RGS22: variants seen among roughly 807,000 people sequenced by gnomAD.
The protein encoded by RGS22 is regulator of G-protein signaling 22.
In RGS22, 148 loss-of-function variants were observed where a neutral mutation model predicts 172.9. That is an observed-to-expected ratio of 0.86 (90% CI 0.75 to 0.98). The LOEUF (loss-of-function observed/expected upper bound fraction) is 0.98. Ranked by LOEUF, RGS22 falls within the 50% of genes least tolerant of loss-of-function variation. The pLI is 0.00. For synonymous variants in RGS22, 458 were observed against 480.2 expected, an observed-to-expected ratio of 0.95 and a Z score of 0.60; for missense variants, 1,347 against 1,440.8, an observed-to-expected ratio of 0.93 and a Z score of 1.05.
chr8:100,059,217 G>T (rs535433670), intron 9 of RGS22, among the ~76,000 whole-genome samples: 1 of 152,100 alleles, frequency 6.6e-6, no homozygotes, highest in East Asian at 1.9e-4. Flanking sequence ...AGGGAGATAG[G>T]AAGGAAGGAA....
chr8:99,991,876 G>C (rs1813765703), intron 20 of RGS22, among the ~76,000 whole-genome samples: 1 of 152,162 alleles, frequency 6.6e-6, no homozygotes. Context: ...GAAATGTCGA[G>C]TTACCCACAA....
intron 18 of RGS22, 75 bp downstream of exon 18, chr8:100,002,127 A>G: frequency 1.6e-5 from 19 of 1,151,876 alleles, no homozygotes; most frequent in Non-Finnish European, 2.3e-5. Flanking sequence ...AGAGACTTTC[A>G]GGTTGTTGGC....
intron 11 of RGS22, among the ~76,000 whole-genome samples, chr8:100,044,246 G>C (rs1287884036): frequency 6.6e-6 from 1 of 152,110 alleles, no homozygotes; most frequent in Non-Finnish European, 1.5e-5. Flanking sequence ...TGGTTTTTTT[G>C]TTTGTTCGTT....
At chr8:100,008,592 G>A (rs1816005990) in intron 14 of RGS22, 23 bp from the exon 15 acceptor site, 1 of 1,579,150 alleles carries the variant, frequency 6.3e-7, no homozygotes, top group Admixed American at 1.8e-5. Context: ...AGGGAAGAAG[G>A]GAGAAGATGT....
At position 100,063,947 on chromosome 8, in the gene RGS22, TCTC is replaced by T. The variant is rs747489119; in HGVS notation, c.818_820del (p.Gly273del). On this transcript the variant is annotated inframe_deletion, in exon 8 of 28. Coordinates refer to ENST00000360863, the MANE Select transcript of RGS22 (RefSeq NM_015668.5). ...TAGAGATACAGACACCTCTTCTTCT[TCTC>T]CTTCTTCTTCTTCAAATTCAGAAAT... 13 of 1,580,382 alleles carry T rather than the reference TCTC, an allele frequency of 8.2e-6. No individual in the cohort carries two copies. The highest frequency in any genetic ancestry group is 6.8e-5 in the East Asian group (3 of 44,424).
At chr8:100,048,665 A>G (rs1820978066) in intron 10 of RGS22, among the ~76,000 whole-genome samples, 1 of 152,128 alleles carries the variant, frequency 6.6e-6, no homozygotes, top group South Asian at 2.1e-4. Flanking sequence ...TCCCATATAT[A>G]AGGGCTTACA....
intron 14 of RGS22, among the ~76,000 whole-genome samples, chr8:100,018,590 C>T (rs766498786): frequency 1.3e-5 from 2 of 152,128 alleles, no homozygotes; most frequent in Non-Finnish European, 2.9e-5. Context: ...ACAAATATTC[C>T]TGTTTGCATC....
Position 100,003,857 on chromosome 8 carries a change from A to G in RGS22, c.2627+69T>C. 7.6e-6 allele frequency: 10 copies of G among 1,310,162 alleles called. 1 individual carries two copies. In the South Asian group the frequency reaches 1.7e-4, roughly 22 times the overall value. 81.2% of individuals were successfully genotyped at this position (1,310,162 alleles called of 1,614,324 possible). ...GTTATAGCACCAAATCACTTTTATA[A>G]TATGTTGAATCAAAAATAGTAGCTT... On this transcript the variant is annotated intron_variant, in intron 17 of 27. Coordinates refer to ENST00000360863, the MANE Select transcript of RGS22 (RefSeq NM_015668.5).
At chr8:99,986,876 G>A (rs182712168) in intron 21 of RGS22, among the ~76,000 whole-genome samples, 1 of 152,066 alleles carries the variant, frequency 6.6e-6, no homozygotes, top group East Asian at 1.9e-4. Flanking sequence ...TATAGACATT[G>A]TTAGGAAAAA....
intron 13 of RGS22, among the ~76,000 whole-genome samples, chr8:100,039,317 T>C (rs1819853362): frequency 6.6e-6 from 1 of 152,108 alleles, no homozygotes; most frequent in Non-Finnish European, 1.5e-5. Flanking sequence ...TTTTGATATA[T>C]ATGGGCAATG....
intron 5 of RGS22, among the ~76,000 whole-genome samples, chr8:100,071,847 C>G (rs867455863): frequency 6.6e-6 from 1 of 152,212 alleles, no homozygotes; most frequent in Non-Finnish European, 1.5e-5. Context: ...TTTCGCGTCA[C>G]ACTAGTATTC....
At chr8:100,079,994 T>C (rs901499958) in intron 4 of RGS22, 140 bp downstream of exon 4, 1 of 601,774 alleles carries the variant, frequency 1.7e-6, no homozygotes, top group Non-Finnish European at 2.9e-6. Flanking sequence ...ATTTGAAAAG[T>C]GCTTAACAAA....
chr8:100,054,782 T>G (rs1442088054), intron 9 of RGS22, among the ~76,000 whole-genome samples: 1 of 152,110 alleles, frequency 6.6e-6, no homozygotes, highest in Non-Finnish European at 1.5e-5. Flanking sequence ...CTTGGAAATA[T>G]TCAAAATTAC....
chr8:99,968,617 G>A (rs1019468381), intron 23 of RGS22, among the ~76,000 whole-genome samples: 21 of 151,862 alleles, frequency 1.4e-4, no homozygotes, highest in South Asian at 4.2e-4. Flanking sequence ...CTGATCAAGC[G>A]GAAGAAAGGA....
rs776862906 is a variant in RGS22, at chr8:100,096,670, A to ATT, written c.55-3162_55-3161insAA. Among the ~76,000 whole-genome samples, 123 of 137,966 alleles carry ATT rather than the reference A, an allele frequency of 8.9e-4. 1 individual carries two copies. The highest frequency in any genetic ancestry group is 1.4e-3 in the South Asian group (6 of 4,340). 90.5% of individuals were successfully genotyped at this position (137,966 alleles called of 152,430 possible). A position where few individuals can be genotyped will look rare whatever the true frequency, so the allele number is the denominator to read the frequency against. ...TTAGGCGCTTAGCTAATTTAAAAAA[A>ATT]ATTTTTTTTTTTTTTTTTGGTACAG... is the stretch of plus-strand genomic sequence containing the variant. On this transcript the variant is annotated intron_variant, in intron 2 of 27. Coordinates refer to ENST00000360863, the MANE Select transcript of RGS22 (RefSeq NM_015668.5).
At chr8:99,976,060 T>G (rs1230981508) in intron 23 of RGS22, among the ~76,000 whole-genome samples, 1 of 151,904 alleles carries the variant, frequency 6.6e-6, no homozygotes, top group Non-Finnish European at 1.5e-5. Flanking sequence ...CATGGTGGCA[T>G]GTGCCTGTAG....
intron 23 of RGS22, among the ~76,000 whole-genome samples, chr8:99,972,244 T>C (rs1330008384): frequency 6.6e-6 from 1 of 152,104 alleles, no homozygotes; most frequent in African/African-American, 2.4e-5. Flanking sequence ...TATATAAAAA[T>C]TAACTCAAGA....
At chr8:100,043,742 C>T (rs537704678) in intron 11 of RGS22, among the ~76,000 whole-genome samples, 1 of 151,826 alleles carries the variant, frequency 6.6e-6, no homozygotes, top group South Asian at 2.1e-4. Context: ...CGCCACTGCA[C>T]TCCAGGCCGG....
At position 99,962,974 on chromosome 8, in the gene RGS22, G is replaced by A; in HGVS notation, c.3620C>T (p.Thr1207Ile). The A allele has an allele frequency of 6.4e-7, 1 of 1,560,490 alleles. No individual in the cohort carries two copies. Residue 1207 changes from threonine to isoleucine, a missense_variant, in exon 25 of 28, where the codon ACC becomes ATC. Coordinates refer to ENST00000360863, the MANE Select transcript of RGS22 (RefSeq NM_015668.5). ...TTCTATATACTTTGAGTAGCACCAG[G>A]TTGGCTAAAAAAAGCAATTTTCAAA... ...LGLQPYGRQPTWCYSKYIEAL... is the reference protein window; with the variant it reads ...LGLQPYGRQPIWCYSKYIEAL...
Sources: gnomAD v4.1 joint callset for allele counts (sites outside exome capture counted in the v4.1 genomes callset) on GRCh38, gnomAD v4.1.1 for gene constraint, MANE v1.5 for transcripts, NCBI Gene and HGNC (gene_info 2026-07-23, HGNC 2026-07-21) for gene names.